Variants in OCA2 observed in about 807,000 individuals in gnomAD.
The protein encoded by OCA2 is P protein.
In OCA2, 77 loss-of-function variants were observed where a neutral mutation model predicts 100.2. The observed-to-expected ratio is 0.77, with a 90% CI of 0.64 to 0.93. The LOEUF is 0.93. OCA2 is among the 40% of genes least tolerant of loss of function. The pLI, the probability that OCA2 is intolerant of heterozygous loss-of-function variation, is 0.00. For missense variants in OCA2, 1,062 were observed against 1,089.1 expected (o/e 0.98, Z 0.35); for synonymous variants, 432 against 439.2 (o/e 0.98, Z 0.21).
intron 23 of OCA2, among the ~76,000 whole-genome samples, chr15:27,806,738 T>C (rs1321612902): frequency 6.6e-6 from 1 of 152,226 alleles, no homozygotes; most frequent in African/African-American, 2.4e-5. Context: ...GGATATTTTC[T>C]ACAGAAATAA....
In OCA2 at chr15:27,926,273, A is replaced by G. The variant is rs746609049; in HGVS notation, c.1952-19T>C. The G allele has an allele frequency of 5.0e-6, 8 of 1,613,782 alleles. No homozygotes were observed. In the South Asian group the frequency reaches 7.7e-5, roughly 16 times the overall value. On this transcript the variant is annotated intron_variant, in intron 18 of 23. Coordinates refer to ENST00000354638, the MANE Select transcript of OCA2 (RefSeq NM_000275.3). ...ATCCATCCTGAAAATAAGTAAATAGACATAGAGATATAGTTCCACTGTTAA... is the reference window on the plus strand; with the variant it reads ...ATCCATCCTGAAAATAAGTAAATAGGCATAGAGATATAGTTCCACTGTTAA...
intron 2 of OCA2, among the ~76,000 whole-genome samples, chr15:28,041,776 T>A (rs1595869577): frequency 1.3e-5 from 2 of 152,266 alleles, no homozygotes; most frequent in African/African-American, 4.8e-5. Context: ...TATGGATAAA[T>A]CTTAGAAACA....
At chr15:27,745,474 C>T in the OCA2 span, among the ~76,000 whole-genome samples, 2 of 152,148 alleles carry the variant, frequency 1.3e-5, no homozygotes, top group African/African-American at 2.4e-5. Flanking sequence ...TTCCCTTAAC[C>T]GTAAACCTCT....
intron 2 of OCA2, among the ~76,000 whole-genome samples, chr15:28,069,385 C>CCCTCT (rs2044133407): frequency 3.8e-4 from 2 of 5,282 alleles, no homozygotes; most frequent in African/African-American, 1.1e-3. Flanking sequence ...CCTCTCCCTC[C>CCCTCT]CCCTCCCCCT....
intron 10 of OCA2, among the ~76,000 whole-genome samples, chr15:27,989,983 C>A (rs182566557): frequency 2.6e-5 from 4 of 152,292 alleles, no homozygotes; most frequent in Non-Finnish European, 5.9e-5. Flanking sequence ...AGTGCCGTGC[C>A]TGAGACCAGA....
intron 23 of OCA2, among the ~76,000 whole-genome samples, chr15:27,843,767 C>G (rs16950449): frequency 6.6e-6 from 1 of 152,082 alleles, no homozygotes; most frequent in Non-Finnish European, 1.5e-5. Context: ...CAAAATCCAA[C>G]GTGCTAGTGT....
chr15:27,774,944 C>G (rs1219286893), intron 23 of OCA2, among the ~76,000 whole-genome samples: 3 of 152,156 alleles, frequency 2.0e-5, no homozygotes, highest in Non-Finnish European at 4.4e-5. Context: ...TCTGAGCTAC[C>G]CAGGCTGTGG....
At chr15:27,720,950 C>G in the OCA2 span, among the ~76,000 whole-genome samples, 1 of 152,102 alleles carries the variant, frequency 6.6e-6, no homozygotes, top group South Asian at 2.1e-4. Flanking sequence ...CTGGGAAGCT[C>G]CTGCGTGAGT....
At chr15:28,022,605 G>T (rs374555206) in intron 5 of OCA2, 32 bp from the exon 6 acceptor site, 49 of 1,523,260 alleles carry the variant, frequency 3.2e-5, no homozygotes, top group Non-Finnish European at 4.5e-5. Flanking sequence ...AATGACAGAG[G>T]TGTGGTATGA....
chr15:28,028,176 G>T, intron 3 of OCA2, 117 bp from the exon 4 acceptor site: 1 of 1,186,242 alleles, frequency 8.4e-7, no homozygotes. Context: ...TCTTTCAAAG[G>T]ACCACAGACA....
At chr15:27,828,970 C>G (rs2034839401) in intron 23 of OCA2, among the ~76,000 whole-genome samples, 1 of 152,212 alleles carries the variant, frequency 6.6e-6, no homozygotes, top group African/African-American at 2.4e-5. Flanking sequence ...TAGCTGAGCA[C>G]TGTCCTGAAG....
intron 9 of OCA2, among the ~76,000 whole-genome samples, chr15:28,002,867 T>C (rs2041970890): frequency 6.6e-6 from 1 of 152,220 alleles, no homozygotes; most frequent in East Asian, 1.9e-4. Context: ...GGAGAAGGTA[T>C]ACACTCCAAA....
chr15:27,904,188 A>G (rs1258849040), intron 19 of OCA2, among the ~76,000 whole-genome samples: 2 of 152,104 alleles, frequency 1.3e-5, no homozygotes, highest in Non-Finnish European at 2.9e-5. Context: ...GCCAGCCCAC[A>G]GTGCATTGTT....
At chr15:27,782,946 T>C (rs2032619010) in intron 23 of OCA2, among the ~76,000 whole-genome samples, 1 of 152,218 alleles carries the variant, frequency 6.6e-6, no homozygotes, top group Admixed American at 6.5e-5. Flanking sequence ...AACTAGTCCT[T>C]GTTTATTAAA....
At chr15:27,818,936 C>T (rs1566989509) in intron 23 of OCA2, among the ~76,000 whole-genome samples, 1 of 152,144 alleles carries the variant, frequency 6.6e-6, no homozygotes, top group Non-Finnish European at 1.5e-5. Flanking sequence ...CAGGTGTCGC[C>T]AGACCCAGGT....
At position 27,840,646 on chromosome 15, in the gene OCA2, G is replaced by A. The variant is rs553546309; in HGVS notation, c.2432+4313C>T. 3.3e-5 allele frequency among the ~76,000 whole-genome samples: 5 copies of A among 152,276 alleles called. No individual in the cohort carries two copies. In the South Asian group the frequency reaches 1.0e-3, roughly 32 times the overall value. Reference sequence around the variant, plus strand: ...CAGCTGATGAGTGACAGCTGCAACAGCAACTCAACGGAGGAACCATAGCCA... The same window carrying A: ...CAGCTGATGAGTGACAGCTGCAACAACAACTCAACGGAGGAACCATAGCCA... On this transcript the variant is annotated intron_variant, in intron 23 of 23. Coordinates refer to ENST00000354638, the MANE Select transcript of OCA2 (RefSeq NM_000275.3).
intron 23 of OCA2, among the ~76,000 whole-genome samples, chr15:27,823,214 T>C (rs868436075): frequency 2.6e-5 from 4 of 152,226 alleles, no homozygotes; most frequent in Non-Finnish European, 4.4e-5. Flanking sequence ...GGTTTTTCTG[T>C]CTTTGCACTA....
intron 1 of OCA2, among the ~76,000 whole-genome samples, chr15:28,091,259 C>T (rs1323899334): frequency 6.6e-6 from 1 of 152,136 alleles, no homozygotes; most frequent in Admixed American, 6.5e-5. Flanking sequence ...ACATTTAACA[C>T]CAATTCTATA....
chr15:27,869,655 G>A (rs775584934), intron 21 of OCA2, among the ~76,000 whole-genome samples: 1 of 152,204 alleles, frequency 6.6e-6, no homozygotes, highest in Non-Finnish European at 1.5e-5. Context: ...CCAGAGGTGG[G>A]GTTCAGCTGT....
Sources: allele counts gnomAD v4.1 joint callset (sites outside exome capture counted in the v4.1 genomes callset), GRCh38; gene constraint gnomAD v4.1.1; transcripts MANE v1.5; gene names NCBI Gene and HGNC (gene_info 2026-07-23, HGNC 2026-07-21).